PPP2R2B: variants seen among roughly 807,000 people sequenced by gnomAD.
The protein encoded by PPP2R2B is protein phosphatase 2 regulatory subunit Bbeta.
Under a neutral mutation model 46.0 loss-of-function variants are expected in PPP2R2B, and 5 were observed. The observed-to-expected ratio is 0.11, with a 90% CI of 0.06 to 0.23. PPP2R2B has a LOEUF of 0.23. Ranked by LOEUF, PPP2R2B falls within the 10% of genes least tolerant of loss-of-function variation. The probability of loss-of-function intolerance (pLI) is 1.00; values close to 1 mark genes in which losing one functional copy is unlikely to be tolerated. For synonymous variants in PPP2R2B, 215 were observed against 206.7 expected, an observed-to-expected ratio of 1.04 and a Z score of -0.34; for missense variants, 367 against 575.0, an observed-to-expected ratio of 0.64 and a Z score of 3.70.
At chr5:146,686,185 T>C (rs1282624064) in intron 5 of PPP2R2B, among the ~76,000 whole-genome samples, 1 of 152,230 alleles carries the variant, frequency 6.6e-6, no homozygotes, top group South Asian at 2.1e-4. Context: ...AAGTCTACCA[T>C]GTGCCATGGA....
chr5:146,666,247 C>T (rs1776974061), intron 5 of PPP2R2B, among the ~76,000 whole-genome samples: 1 of 152,114 alleles, frequency 6.6e-6, no homozygotes, highest in Non-Finnish European at 1.5e-5. Context: ...AAAGTCATAT[C>T]TGTTCATTCA....
intron 2 of PPP2R2B, among the ~76,000 whole-genome samples, chr5:146,779,458 G>T (rs1466368278): frequency 6.6e-6 from 1 of 152,166 alleles, no homozygotes; most frequent in East Asian, 1.9e-4. Flanking sequence ...CATGATTGGT[G>T]TCAGACAAAG....
chr5:146,814,090 C>A (rs1757787603), intron 2 of PPP2R2B, among the ~76,000 whole-genome samples: 4 of 150,396 alleles, frequency 2.7e-5, no homozygotes, highest in Admixed American at 2.7e-4. Flanking sequence ...ACTGTGCATA[C>A]AAAGTATGCA....
At chr5:146,853,324 A>G (rs1184705008) in intron 2 of PPP2R2B, among the ~76,000 whole-genome samples, 3 of 152,158 alleles carry the variant, frequency 2.0e-5, no homozygotes, top group Non-Finnish European at 4.4e-5. Context: ...TAATGATAGT[A>G]TAGAGTTCCA....
chr5:146,601,814 G>A (rs1771808167), intron 7 of PPP2R2B, among the ~76,000 whole-genome samples: 1 of 152,150 alleles, frequency 6.6e-6, no homozygotes, highest in African/African-American at 2.4e-5. Flanking sequence ...GCCAAATAGT[G>A]TACATTGAAC....
intron 7 of PPP2R2B, among the ~76,000 whole-genome samples, chr5:146,637,773 G>A (rs916049515): frequency 2.0e-5 from 3 of 152,074 alleles, no homozygotes; most frequent in African/African-American, 7.2e-5. Context: ...AGCCTCCCAT[G>A]CAGTTCAGCA....
intron 1 of PPP2R2B, among the ~76,000 whole-genome samples, chr5:147,000,682 C>A (rs553365754): frequency 6.3e-5 from 5 of 79,656 alleles, no homozygotes; most frequent in African/African-American, 2.8e-4. Flanking sequence ...ATGGCAAAAA[C>A]CACAATTACT....
intron 2 of PPP2R2B, among the ~76,000 whole-genome samples, chr5:146,865,182 G>GA (rs1381400515): frequency 1.3e-5 from 2 of 151,970 alleles, no homozygotes; most frequent in Non-Finnish European, 1.5e-5. Flanking sequence ...GAATATCATA[G>GA]AAAAATGCTA....
At chr5:147,021,955 T>C (rs957614944) in intron 1 of PPP2R2B, among the ~76,000 whole-genome samples, 1 of 151,680 alleles carries the variant, frequency 6.6e-6, no homozygotes, top group African/African-American at 2.4e-5. Context: ...CATAAAAATA[T>C]TGAGGGGAGA....
intron 2 of PPP2R2B, among the ~76,000 whole-genome samples, chr5:146,787,114 C>T (rs868456167): frequency 6.6e-6 from 1 of 152,160 alleles, no homozygotes; most frequent in African/African-American, 2.4e-5. Flanking sequence ...AACACACACA[C>T]AAAAATAGTG....
intron 2 of PPP2R2B, among the ~76,000 whole-genome samples, chr5:146,806,495 C>G (rs1029791415): frequency 1.4e-4 from 22 of 152,166 alleles, no homozygotes; most frequent in African/African-American, 5.1e-4. Context: ...AAAAGAGGTA[C>G]CTGACTCTTT....
At chr5:147,053,543 TA>T (rs1174172443) in intron 1 of PPP2R2B, among the ~76,000 whole-genome samples, 1 of 29,016 alleles carries the variant, frequency 3.4e-5, no homozygotes, top group Admixed American at 4.4e-4. Context: ...GCCAACAATA[TA>T]AACACACACA....
At chr5:146,895,147 C>T (rs530901447) in intron 1 of PPP2R2B, among the ~76,000 whole-genome samples, 29 of 152,326 alleles carry the variant, frequency 1.9e-4, no homozygotes, top group South Asian at 1.7e-3. Flanking sequence ...TTCAACTCCC[C>T]GAAAGCTCCA....
chr5:146,915,170 G>C (rs2151809429), intron 1 of PPP2R2B, among the ~76,000 whole-genome samples: 1 of 152,024 alleles, frequency 6.6e-6, no homozygotes, highest in East Asian at 1.9e-4. Context: ...CCTCCTCACT[G>C]GTTTTCTTAC....
At chr5:146,618,183 T>C (rs1418484866) in intron 7 of PPP2R2B, among the ~76,000 whole-genome samples, 1 of 152,178 alleles carries the variant, frequency 6.6e-6, no homozygotes, top group Non-Finnish European at 1.5e-5. Flanking sequence ...GTAATGACCA[T>C]GGTCCTTATA....
intron 5 of PPP2R2B, among the ~76,000 whole-genome samples, chr5:146,675,517 G>C (rs1412485621): frequency 1.3e-5 from 2 of 152,130 alleles, no homozygotes; most frequent in Admixed American, 1.3e-4. Context: ...AACCATGATT[G>C]TTATGGCAAT....
At chr5:146,591,966 T>C in intron 9 of PPP2R2B, 1 of 267,930 alleles carries the variant, frequency 3.7e-6, no homozygotes, top group Non-Finnish European at 7.1e-6. Flanking sequence ...ATAAGTGTAA[T>C]TTTTGAATCA....
At chr5:146,830,732 A>G (rs1758876402) in intron 2 of PPP2R2B, among the ~76,000 whole-genome samples, 1 of 152,130 alleles carries the variant, frequency 6.6e-6, no homozygotes, top group East Asian at 1.9e-4. Context: ...TTGGCCTCCC[A>G]AAGTGCTAGG....
At chr5:146,868,643 T>A (rs1302370102) in intron 2 of PPP2R2B, among the ~76,000 whole-genome samples, 1 of 141,104 alleles carries the variant, frequency 7.1e-6, no homozygotes, top group Non-Finnish European at 1.6e-5. Flanking sequence ...GCATTCCACA[T>A]AACTGCTTAC....
Sources: gnomAD v4.1 joint callset for allele counts (sites outside exome capture counted in the v4.1 genomes callset) on GRCh38, gnomAD v4.1.1 for gene constraint, MANE v1.5 for transcripts, NCBI Gene and HGNC (gene_info 2026-07-23, HGNC 2026-07-21) for gene names.